Variants in RORB observed in about 807,000 individuals in gnomAD.
RORB encodes RAR related orphan receptor B.
A neutral mutation model predicts 59.1 loss-of-function variants in RORB; 6 were observed. The ratio of observed to expected loss-of-function variants is 0.10; its 90% CI spans 0.06 to 0.20. The LOEUF (loss-of-function observed/expected upper bound fraction) is 0.20, where lower values mean the gene tolerates loss of function less well. Among genes scored for constraint, RORB ranks in the 10% least tolerant of loss-of-function variants. RORB has a pLI of 1.00. For synonymous variants in RORB, 215 were observed against 204.5 expected, an observed-to-expected ratio of 1.05 and a Z score of -0.44; for missense variants, 320 against 560.5, an observed-to-expected ratio of 0.57 and a Z score of 4.33.
rs73545374 is a variant in RORB at position 74,582,457 on chromosome 9, T to C, written c.8-47825T>C. 2.2e-3 allele frequency among the ~76,000 whole-genome samples: 328 copies of C among 152,276 alleles called. 1 individual carries two copies. The highest frequency in any genetic ancestry group is 7.4e-3 in the African/African-American group (306 of 41,548). Reference sequence around the variant, plus strand: ...AAGGAATGTGATTGTTACTCAAAAATGTGAGCAAATTATTAAATTGAAGAG... The same window carrying C: ...AAGGAATGTGATTGTTACTCAAAAACGTGAGCAAATTATTAAATTGAAGAG... On this transcript the variant is annotated intron_variant, in intron 1 of 9. Transcript: ENST00000376896.
intron 1 of RORB, among the ~76,000 whole-genome samples, chr9:74,506,066 A>AT (rs1489497019): frequency 1.3e-5 from 2 of 151,678 alleles, no homozygotes; most frequent in African/African-American, 2.4e-5. Flanking sequence ...ATTCTTATTT[A>AT]TTTTTTAAAA....
intron 1 of RORB, among the ~76,000 whole-genome samples, chr9:74,611,323 A>T (rs1022789095): frequency 1.3e-5 from 2 of 152,212 alleles, no homozygotes. Flanking sequence ...GATCAAGGGG[A>T]TGAAGGGACA....
At chr9:74,671,234 G>A (rs529826144) in intron 8 of RORB, among the ~76,000 whole-genome samples, 26 of 151,998 alleles carry the variant, frequency 1.7e-4, no homozygotes, top group South Asian at 6.2e-4. Context: ...GAGGGAAGAA[G>A]GAGAGGAGGG....
chr9:74,583,867 A>G (rs1190509871), intron 1 of RORB, among the ~76,000 whole-genome samples: 2 of 152,224 alleles, frequency 1.3e-5, no homozygotes, highest in Non-Finnish European at 2.9e-5. Flanking sequence ...TCTTCCCTCT[A>G]TAAAGCAGAA....
chr9:74,509,661 G>A (rs1023540022), intron 1 of RORB, among the ~76,000 whole-genome samples: 3 of 151,968 alleles, frequency 2.0e-5, no homozygotes, highest in South Asian at 2.1e-4. Context: ...TAATAGCTGA[G>A]CATACCACCA....
intron 9 of RORB, among the ~76,000 whole-genome samples, chr9:74,673,451 T>C (rs1298493404): frequency 6.6e-6 from 1 of 152,080 alleles, no homozygotes; most frequent in Non-Finnish European, 1.5e-5. Flanking sequence ...ATCTATAAAA[T>C]GAAGATTACA....
At chr9:74,629,942 A>G (rs1290362198) in intron 1 of RORB, among the ~76,000 whole-genome samples, 2 of 152,222 alleles carry the variant, frequency 1.3e-5, no homozygotes, top group Non-Finnish European at 2.9e-5. Flanking sequence ...AAATAAGAAA[A>G]GAAAAGCCGT....
chr9:74,501,480 T>TA (rs944760615), intron 1 of RORB, among the ~76,000 whole-genome samples: 5 of 151,836 alleles, frequency 3.3e-5, no homozygotes, highest in South Asian at 2.1e-4. Flanking sequence ...CTCCCGCAAT[T>TA]AAAAAAAACA....
chr9:74,674,096 C>T (rs1385553224), intron 9 of RORB, among the ~76,000 whole-genome samples: 2 of 152,182 alleles, frequency 1.3e-5, no homozygotes, highest in East Asian at 1.9e-4. Context: ...TGCTTTAACA[C>T]TCCGGACAAA....
intron 1 of RORB, among the ~76,000 whole-genome samples, chr9:74,509,287 AAAGTAT>A (rs1208226549): frequency 6.6e-6 from 1 of 152,150 alleles, no homozygotes; most frequent in African/African-American, 2.4e-5. Context: ...TAACAAATTC[AAAGTAT>A]AAGTAGTAAA....
chr9:74,581,844 C>T (rs952705764), intron 1 of RORB, among the ~76,000 whole-genome samples: 1 of 152,244 alleles, frequency 6.6e-6, no homozygotes, highest in African/African-American at 2.4e-5. Flanking sequence ...ATATTTTATG[C>T]CACAATTTCT....
chr9:74,618,740 CGT>C (rs971653102), intron 1 of RORB, among the ~76,000 whole-genome samples: 5 of 151,816 alleles, frequency 3.3e-5, no homozygotes, highest in South Asian at 2.1e-4. Context: ...GACTTTTGCT[CGT>C]GTGTGTGTGT....
chr9:74,582,582 T>C (rs1291835603), intron 1 of RORB, among the ~76,000 whole-genome samples: 1 of 152,186 alleles, frequency 6.6e-6, no homozygotes, highest in African/African-American at 2.4e-5. Context: ...CTAGGATTAG[T>C]TACCAACATT....
At chr9:74,586,354 C>T (rs1923960) in intron 1 of RORB, among the ~76,000 whole-genome samples, 96,315 of 151,452 alleles carry the variant, frequency 0.64, 30,859 homozygotes, top group East Asian at 0.85. Flanking sequence ...AAAAATTAGC[C>T]AGGCATGGTG....
chr9:74,654,751 C>A (rs531130948), intron 4 of RORB, among the ~76,000 whole-genome samples: 1 of 152,084 alleles, frequency 6.6e-6, no homozygotes, highest in Non-Finnish European at 1.5e-5. Flanking sequence ...GTTATAAATT[C>A]TGTTAATTGA....
chr9:74,595,455 T>C (rs1196428204), intron 1 of RORB, among the ~76,000 whole-genome samples: 1 of 152,250 alleles, frequency 6.6e-6, no homozygotes, highest in South Asian at 2.1e-4. Flanking sequence ...CCTTTTACAC[T>C]GTGCTAACTT....
rs1453410285 is a variant in RORB at position 74,578,058 on chromosome 9, G to A, written c.8-52224G>A. 2.0e-5 allele frequency among the ~76,000 whole-genome samples: 3 copies of A among 151,760 alleles called. No homozygotes were observed. The East Asian group carries it at 5.8e-4, about 29-fold the overall frequency. ...ACAGATCAGGAAACTGAGGACCTGAGAAGGTAAGTGGCTTGCTCAAGGTCA... is the reference window on the plus strand; with the variant it reads ...ACAGATCAGGAAACTGAGGACCTGAAAAGGTAAGTGGCTTGCTCAAGGTCA... On this transcript the variant is annotated intron_variant, in intron 1 of 9. Coordinates refer to ENST00000376896, the MANE Select transcript of RORB (RefSeq NM_006914.4).
At chr9:74,517,353 T>C (rs926449755) in intron 1 of RORB, among the ~76,000 whole-genome samples, 3 of 152,066 alleles carry the variant, frequency 2.0e-5, no homozygotes, top group South Asian at 2.1e-4. Flanking sequence ...GTGAAACTTA[T>C]GTAACTTGCA....
intron 1 of RORB, among the ~76,000 whole-genome samples, chr9:74,615,132 C>T (rs1237802200): frequency 6.6e-6 from 1 of 152,188 alleles, no homozygotes; most frequent in African/African-American, 2.4e-5. Flanking sequence ...TTGATGCGAT[C>T]TTTCATCCAA....
Sources: allele counts gnomAD v4.1 joint callset (sites outside exome capture counted in the v4.1 genomes callset), GRCh38; gene constraint gnomAD v4.1.1; transcripts MANE v1.5; gene names NCBI Gene and HGNC (gene_info 2026-07-23, HGNC 2026-07-21).